Variants in LOXHD1 observed in about 807,000 individuals in gnomAD.
The protein encoded by LOXHD1 is lipoxygenase homology domain-containing protein 1.
A neutral mutation model predicts 248.2 loss-of-function variants in LOXHD1; 205 were observed. That is an observed-to-expected ratio of 0.83 (90% CI 0.74 to 0.93). The LOEUF (loss-of-function observed/expected upper bound fraction) is 0.93, where lower values mean the gene tolerates loss of function less well. Among genes scored for constraint, LOXHD1 ranks in the 40% least tolerant of loss-of-function variants. The pLI, the probability that LOXHD1 is intolerant of heterozygous loss-of-function variation, is 0.00. For missense variants in LOXHD1, 2,930 were observed against 2,971.6 expected, an observed-to-expected ratio of 0.99 and a Z score of 0.33; for synonymous variants, 1,113 against 1,162.8, an observed-to-expected ratio of 0.96 and a Z score of 0.87.
In LOXHD1 at chr18:46,610,902, T is replaced by C; in HGVS notation, c.633A>G (p.Glu211=). 2 of 1,551,910 alleles carry C rather than the reference T, an allele frequency of 1.3e-6. No individual in the cohort carries two copies. Among genetic ancestry groups the C allele is most frequent in the African/African-American group, 1.4e-5 (1 of 73,178 alleles). The change falls in exon 6 of 41, where the codon GAA becomes GAG. Residue 211 remains glutamate, a synonymous_variant. Transcript: ENST00000642948. ...CAGCTCCCTTTTCAAAGTTGTCCTT[T>C]TCATTTTCTAGCCTACGCTCCCCTG... ...GDTGERRLEN[E]KDNFEKGAED...
At chr18:46,479,939 A>C (rs1568065697) in intron 40 of LOXHD1, among the ~76,000 whole-genome samples, 1 of 152,142 alleles carries the variant, frequency 6.6e-6, no homozygotes, top group Non-Finnish European at 1.5e-5. Flanking sequence ...AAGGTGACCC[A>C]GAGCCAGAGC....
At chr18:46,646,605 CT>C (rs2039033640) in intron 2 of LOXHD1, among the ~76,000 whole-genome samples, 3 of 152,170 alleles carry the variant, frequency 2.0e-5, no homozygotes, top group African/African-American at 7.2e-5. Context: ...ACCTTTCTGA[CT>C]TTCCCCCTCC....
intron 4 of LOXHD1, among the ~76,000 whole-genome samples, chr18:46,632,505 A>G (rs1297109692): frequency 2.0e-5 from 3 of 152,148 alleles, no homozygotes; most frequent in African/African-American, 7.2e-5. Context: ...AGGGGCTGCT[A>G]TCAGTGTGGA....
chr18:46,493,311 A>T (rs1598838160), intron 37 of LOXHD1, among the ~76,000 whole-genome samples: 1 of 152,212 alleles, frequency 6.6e-6, no homozygotes, highest in East Asian at 1.9e-4. Flanking sequence ...CTATTTGCAG[A>T]AGCTTCCTAA....
intron 8 of LOXHD1, among the ~76,000 whole-genome samples, chr18:46,598,493 T>C (rs998986437): frequency 5.7e-5 from 8 of 141,502 alleles, no homozygotes; most frequent in African/African-American, 2.0e-4. Flanking sequence ...AAGAAAGAAC[T>C]ATAAGCTTTG....
Position 46,589,432 on chromosome 18 carries a change from C to A in LOXHD1, c.1654+2501G>T, listed in dbSNP as rs140476845. 1.5e-4 allele frequency among the ~76,000 whole-genome samples: 23 copies of A among 152,326 alleles called. No homozygotes were observed. The East Asian group carries it at 4.1e-3, about 27-fold the overall frequency. On this transcript the variant is annotated intron_variant, in intron 12 of 40. Transcript: ENST00000642948. ...TCTTTTGTTTTCATTTCTTGTCCGT[C>A]CCCCTTCGTTCAGTCCTGTAGTACC...
At chr18:46,524,155 A>G (rs1466386376) in intron 31 of LOXHD1, among the ~76,000 whole-genome samples, 2 of 152,060 alleles carry the variant, frequency 1.3e-5, no homozygotes, top group Non-Finnish European at 2.9e-5. Context: ...CTTCACCACC[A>G]CATCATGCCT....
chr18:46,610,755 CA>C lies in LOXHD1; in HGVS notation c.759+20del. 6.5e-7 allele frequency: 1 copy of C among 1,542,842 alleles called. No individual in the cohort carries two copies. The highest frequency in any genetic ancestry group is 8.8e-7 in the Non-Finnish European group (1 of 1,142,112). ...CCCCCTTCCAAGGCCACAGGGACTG[CA>C]GAGAAGCAGCTGAACTCACCTGGGA... On this transcript the variant is annotated intron_variant, in intron 6 of 40. Coordinates refer to ENST00000642948, the MANE Select transcript of LOXHD1 (RefSeq NM_001384474.1).
In LOXHD1 at chr18:46,656,978, TACAGGGCCAGG is replaced by T; in HGVS notation, c.45_55del (p.Phe15LeufsTer28). 2 of 1,551,660 alleles carry T rather than the reference TACAGGGCCAGG, an allele frequency of 1.3e-6. No homozygotes were observed. The highest frequency in any genetic ancestry group is 1.7e-6 in the Non-Finnish European group (2 of 1,146,944). On this transcript the variant is annotated frameshift_variant, in exon 1 of 41. Coordinates refer to ENST00000642948, the MANE Select transcript of LOXHD1 (RefSeq NM_001384474.1). LOFTEE classifies it high-confidence loss of function. ...GGCGTAGTTCAGCAGCTCCGCTTCG[TACAGGGCCAGG>T]AAGTCGATGTCCTTCTTCCTCCGCC...
At chr18:46,544,125 A>T (rs1455249604) in intron 23 of LOXHD1, among the ~76,000 whole-genome samples, 11 of 152,192 alleles carry the variant, frequency 7.2e-5, no homozygotes, top group Admixed American at 6.5e-4. Flanking sequence ...CACCTCATGT[A>T]GAAAGTCTTC....
At position 46,554,291 on chromosome 18, in the gene LOXHD1, G is replaced by A. The variant is rs151057881; in HGVS notation, c.3350+3065C>T. On this transcript the variant is annotated intron_variant, in intron 21 of 40. Coordinates refer to ENST00000642948, the MANE Select transcript of LOXHD1 (RefSeq NM_001384474.1). ...GGCAGAGAGGCATCCAAGAGGTCTA[G>A]TCATGGAGGATGTTGACTGGACATG... Among the ~76,000 whole-genome samples, 4 of 152,330 alleles carry A rather than the reference G, an allele frequency of 2.6e-5. No individual in the cohort carries two copies. In the East Asian group the frequency reaches 7.7e-4, roughly 29 times the overall value.
At chr18:46,517,390 A>G (rs540032684) in intron 34 of LOXHD1, among the ~76,000 whole-genome samples, 6 of 152,214 alleles carry the variant, frequency 3.9e-5, no homozygotes, top group Non-Finnish European at 8.8e-5. Context: ...GACTTTGAGC[A>G]TATGACTTTA....
chr18:46,557,469 A>C lies in LOXHD1; in HGVS notation c.3237T>G (p.Tyr1079Ter). 6.4e-7 allele frequency: 1 copy of C among 1,551,960 alleles called. No homozygotes were observed. The highest frequency in any genetic ancestry group is 8.7e-7 in the Non-Finnish European group (1 of 1,147,068). ...EQGQTDTFTIYAIDLGALTKI... is the reference protein window; with the variant it reads ...EQGQTDTFTI ...TGGTCAGGGCCCCCAGGTCAATGGC[A>C]TAGATGGTGAAGGTGTCTGTCTGGG... The change falls in exon 21 of 41, where the codon TAT becomes TAG. Residue 1079 changes from tyrosine (Y) to a stop codon, truncating the protein, a stop_gained. Coordinates refer to ENST00000642948, the MANE Select transcript of LOXHD1 (RefSeq NM_001384474.1). LOFTEE classifies it high-confidence loss of function.
At chr18:46,582,531 CA>C (rs989413308) in intron 12 of LOXHD1, among the ~76,000 whole-genome samples, 37 of 151,822 alleles carry the variant, frequency 2.4e-4, no homozygotes, top group African/African-American at 8.7e-4. Flanking sequence ...TAGTAAGAAA[CA>C]AAAAAGATAT....
intron 12 of LOXHD1, among the ~76,000 whole-genome samples, 186 bp downstream of exon 12, chr18:46,591,747 G>A (rs909695560): frequency 4.6e-5 from 7 of 152,116 alleles, no homozygotes; most frequent in African/African-American, 1.7e-4. Context: ...TAGAGCTCCG[G>A]CATCATGACT....
chr18:46,581,199 G>A (rs2037954983), intron 12 of LOXHD1, among the ~76,000 whole-genome samples: 1 of 152,172 alleles, frequency 6.6e-6, no homozygotes. Context: ...AGAGGATGGT[G>A]CCTAGGACTG....
intron 14 of LOXHD1, among the ~76,000 whole-genome samples, chr18:46,573,101 C>A (rs1232832878): frequency 6.7e-6 from 1 of 149,890 alleles, no homozygotes; most frequent in East Asian, 2.0e-4. Flanking sequence ...GGTATTGGAC[C>A]AGAGTAAGTG....
At chr18:46,538,812 G>A (rs1488658088) in intron 25 of LOXHD1, among the ~76,000 whole-genome samples, 1 of 152,182 alleles carries the variant, frequency 6.6e-6, no homozygotes, top group Non-Finnish European at 1.5e-5. Flanking sequence ...GGATCGGCCA[G>A]TCTACGGTAG....
At chr18:46,578,245 G>A (rs905784244) in intron 13 of LOXHD1, among the ~76,000 whole-genome samples, 3 of 152,204 alleles carry the variant, frequency 2.0e-5, no homozygotes, top group Non-Finnish European at 4.4e-5. Context: ...ATTGATTACG[G>A]GGACTAAGTA....
Sources: allele counts gnomAD v4.1 joint callset (sites outside exome capture counted in the v4.1 genomes callset), GRCh38; gene constraint gnomAD v4.1.1; transcripts MANE v1.5; gene names NCBI Gene and HGNC (gene_info 2026-07-23, HGNC 2026-07-21).